Variants in COL14A1 observed in about 807,000 individuals in gnomAD.
COL14A1 encodes the protein collagen alpha-1(XIV) chain.
A neutral mutation model predicts 230.3 loss-of-function variants in COL14A1; 136 were observed. The observed-to-expected ratio is 0.59, with a 90% CI of 0.51 to 0.68. COL14A1 has a LOEUF of 0.68. COL14A1 is among the 30% of genes least tolerant of loss of function. The pLI, the probability that COL14A1 is intolerant of heterozygous loss-of-function variation, is 0.00. For synonymous variants in COL14A1, 792 were observed against 784.1 expected (o/e 1.01, Z -0.17); for missense variants, 1,976 against 2,215.8 (o/e 0.89, Z 2.17).
intron 22 of COL14A1, among the ~76,000 whole-genome samples, chr8:120,254,713 A>G (rs1819083028): frequency 6.6e-6 from 1 of 150,836 alleles, no homozygotes; most frequent in African/African-American, 2.4e-5. Flanking sequence ...GGCCAGGTAT[A>G]GTGGCTCACA....
intron 1 of COL14A1, among the ~76,000 whole-genome samples, chr8:120,136,311 C>G (rs924912678): frequency 4.6e-5 from 7 of 151,780 alleles, no homozygotes; most frequent in African/African-American, 1.7e-4. Flanking sequence ...TCTTTAAAAT[C>G]CTGAATGTGT....
intron 1 of COL14A1, among the ~76,000 whole-genome samples, chr8:120,133,715 A>G (rs988382829): frequency 4.6e-5 from 7 of 152,180 alleles, no homozygotes; most frequent in African/African-American, 1.4e-4. Context: ...ATGCCAAAGA[A>G]GCATTGCTAT....
chr8:120,363,380 A>G (rs1823295753), intron 45 of COL14A1, among the ~76,000 whole-genome samples: 1 of 152,142 alleles, frequency 6.6e-6, no homozygotes, highest in Admixed American at 6.5e-5. Flanking sequence ...ATGAGAACAC[A>G]GGGACACAGG....
intron 36 of COL14A1, among the ~76,000 whole-genome samples, chr8:120,301,716 A>G (rs1004433773): frequency 6.6e-6 from 1 of 152,164 alleles, no homozygotes; most frequent in Non-Finnish European, 1.5e-5. Context: ...TTGGGTATAT[A>G]CGCAGTAATA....
At chr8:120,250,480 A>G in intron 21 of COL14A1, 137 bp from the exon 22 acceptor site, 1 of 911,116 alleles carries the variant, frequency 1.1e-6, no homozygotes, top group South Asian at 1.5e-5. Context: ...GACCAGATTC[A>G]AACCTCAACC....
intron 1 of COL14A1, among the ~76,000 whole-genome samples, chr8:120,136,159 A>T (rs1249358961): frequency 6.6e-6 from 1 of 152,144 alleles, no homozygotes; most frequent in Non-Finnish European, 1.5e-5. Context: ...AACTAGTAAT[A>T]GTTAACATCC....
At chr8:120,145,955 A>C (rs1815078952) in intron 1 of COL14A1, among the ~76,000 whole-genome samples, 1 of 152,184 alleles carries the variant, frequency 6.6e-6, no homozygotes, top group Admixed American at 6.5e-5. Flanking sequence ...AAGCAGAACA[A>C]GGTATTTTTA....
chr8:120,319,757 C>A (rs925069778), intron 40 of COL14A1, among the ~76,000 whole-genome samples: 2 of 151,920 alleles, frequency 1.3e-5, no homozygotes, highest in African/African-American at 4.9e-5. Context: ...AGGCCATAAG[C>A]AAGTCTGGTA....
chr8:120,199,327 G>T (rs1817148888), intron 7 of COL14A1, 75 bp from the exon 8 acceptor site: 1 of 1,341,298 alleles, frequency 7.5e-7, no homozygotes. Flanking sequence ...TACCCATCTT[G>T]TGGTTATATC....
intron 22 of COL14A1, among the ~76,000 whole-genome samples, chr8:120,252,482 A>G (rs1456703358): frequency 6.6e-6 from 1 of 152,232 alleles, no homozygotes; most frequent in Admixed American, 6.5e-5. Flanking sequence ...GATAGTCCTG[A>G]GTGCAATCAA....
At chr8:120,244,461 T>G (rs1343942386) in intron 20 of COL14A1, among the ~76,000 whole-genome samples, 1 of 152,202 alleles carries the variant, frequency 6.6e-6, no homozygotes, top group African/African-American at 2.4e-5. Context: ...AGTGGTGATT[T>G]GTGATATTTT....
At chr8:120,190,231 G>A in intron 5 of COL14A1, among the ~76,000 whole-genome samples, 2 of 152,052 alleles carry the variant, frequency 1.3e-5, no homozygotes, top group Non-Finnish European at 2.9e-5. Context: ...TTCTCTGATG[G>A]CCAGTGATGG....
chr8:120,275,557 G>C lies in COL14A1; in HGVS notation c.3214-2554G>C, dbSNP rs987448448. ...AGAGTAAACAGAAAACACAAGAATG[G>C]GAGAAAATATTTGCAAACTATGCAT... On this transcript the variant is annotated intron_variant, in intron 26 of 47. Coordinates refer to ENST00000297848, the MANE Select transcript of COL14A1 (RefSeq NM_021110.4). 2.6e-5 allele frequency among the ~76,000 whole-genome samples: 4 copies of C among 151,778 alleles called. 1 individual carries two copies. The highest frequency in any genetic ancestry group is 2.6e-4 in the Admixed American group (4 of 15,180).
intron 4 of COL14A1, among the ~76,000 whole-genome samples, chr8:120,165,085 G>C (rs1045425844): frequency 6.6e-6 from 1 of 152,206 alleles, no homozygotes; most frequent in Non-Finnish European, 1.5e-5. Flanking sequence ...GTTTTTAGCT[G>C]TGTTATTTTT....
At chr8:120,148,416 C>T (rs564311280) in intron 2 of COL14A1, among the ~76,000 whole-genome samples, 80 of 152,312 alleles carry the variant, frequency 5.3e-4, no homozygotes, top group African/African-American at 1.5e-3. Context: ...CAGGTGTGAG[C>T]CACCATGCCT....
chr8:120,209,836 G>C lies in COL14A1; in HGVS notation c.1402G>C (p.Gly468Arg). Reference sequence around the variant, plus strand: ...GCGAGTCAAATGGGATGCAGTGCCTGGGGCCTCAGGTTACCTGATCCTTTA... The same window carrying C: ...GCGAGTCAAATGGGATGCAGTGCCTCGGGCCTCAGGTTACCTGATCCTTTA... ...SMRVKWDAVP[G>R]ASGYLILYAP... is the part of the protein sequence containing the mutation. The change falls in exon 12 of 48, where the codon GGG becomes CGG. Residue 468 changes from glycine (G) to arginine (R), a missense_variant. By Grantham distance (125) the Gly-to-Arg change is moderately radical. This residue lies in a region of COL14A1 where 1,791 missense variants were observed against 2,019.5 expected (regional missense o/e 0.89). Transcript: ENST00000297848. 1.9e-6 allele frequency: 3 copies of C among 1,613,794 alleles called. No homozygotes were observed. Among genetic ancestry groups the C allele is most frequent in the Non-Finnish European group, 2.5e-6 (3 of 1,179,844 alleles).
intron 1 of COL14A1, among the ~76,000 whole-genome samples, chr8:120,144,874 T>A (rs1264398816): frequency 6.6e-6 from 1 of 151,632 alleles, no homozygotes; most frequent in Non-Finnish European, 1.5e-5. Flanking sequence ...TACTTTGGGG[T>A]AAGAAAGGCC....
intron 14 of COL14A1, among the ~76,000 whole-genome samples, chr8:120,221,918 A>ACGAC (rs1817946467): frequency 1.3e-5 from 2 of 152,244 alleles, no homozygotes; most frequent in Non-Finnish European, 2.9e-5. Context: ...AATCTCAGCC[A>ACGAC]TGACAATTCA....
rs1554620764 is a variant in COL14A1 at position 120,298,597 on chromosome 8, T to TATATA, written c.4314+1009_4314+1010insATATA. ...TGGGATGTGTGTATACCCATATATTTTATATATATATATATATATATATAT... is the reference window on the plus strand; with the variant it reads ...TGGGATGTGTGTATACCCATATATTTATATATATATATATATATATATATATATAT... On this transcript the variant is annotated intron_variant, in intron 35 of 47. Coordinates refer to ENST00000297848, the MANE Select transcript of COL14A1 (RefSeq NM_021110.4). Among the ~76,000 whole-genome samples, 3 of 57,998 alleles carry TATATA rather than the reference T, an allele frequency of 5.2e-5. 1 individual carries two copies. Among genetic ancestry groups the TATATA allele is most frequent in the South Asian group, 1.6e-3 (2 of 1,250 alleles). 38.0% of individuals were successfully genotyped at this position (57,998 alleles called of 152,430 possible). A position where few individuals can be genotyped will look rare whatever the true frequency, so the allele number is the denominator to read the frequency against.
Sources: allele counts gnomAD v4.1 joint callset (sites outside exome capture counted in the v4.1 genomes callset), GRCh38; gene constraint gnomAD v4.1.1; regional missense constraint gnomAD v4.1.1; transcripts MANE v1.5; gene names NCBI Gene and HGNC (gene_info 2026-07-23, HGNC 2026-07-21).